CASR: variants seen among roughly 807,000 people sequenced by gnomAD.
CASR encodes the protein calcium sensing receptor, also known as extracellular calcium-sensing receptor.
Under a neutral mutation model 69.1 loss-of-function variants are expected in CASR, and 23 were observed. That is an observed-to-expected ratio of 0.33 (90% confidence interval 0.24 to 0.47). CASR has a LOEUF of 0.47. Among genes scored for constraint, CASR ranks in the 20% least tolerant of loss-of-function variants. The probability of loss-of-function intolerance (pLI) is 1.00; values close to 1 mark genes in which losing one functional copy is unlikely to be tolerated. For missense variants in CASR, 924 were observed against 1,356.1 expected (o/e 0.68, Z 5.00); for synonymous variants, 541 against 544.7 (o/e 0.99, Z 0.10).
chr3:122,248,305 G>T (rs1389788596), intron 1 of CASR, among the ~76,000 whole-genome samples: 6 of 152,234 alleles, frequency 3.9e-5, no homozygotes, highest in Admixed American at 1.3e-4. Context: ...TATTGTGGAT[G>T]TCTCTTCAGC....
chr3:122,191,561 C>T (rs1437352371), intron 1 of CASR, among the ~76,000 whole-genome samples: 1 of 152,170 alleles, frequency 6.6e-6, no homozygotes, highest in East Asian at 1.9e-4. Flanking sequence ...ATCCACCCAC[C>T]TCAGCCTCCC....
At chr3:122,276,909 A>T (rs2074828088) in intron 5 of CASR, among the ~76,000 whole-genome samples, 1 of 152,184 alleles carries the variant, frequency 6.6e-6, no homozygotes, top group Admixed American at 6.5e-5. Context: ...GGCTGCTAAG[A>T]ATCCAGGTCC....
rs894542484 is a variant in CASR, at chr3:122,223,682, C to T, written c.-242-30266C>T. 2.0e-5 allele frequency among the ~76,000 whole-genome samples: 3 copies of T among 152,180 alleles called. No homozygotes were observed. In the South Asian group the frequency reaches 6.2e-4, roughly 31 times the overall value. ...TGAGGAGGAGGAGATTCCACCCTAACTCATTCTATGAACCCAGCATCATTC... is the reference window on the plus strand; with the variant it reads ...TGAGGAGGAGGAGATTCCACCCTAATTCATTCTATGAACCCAGCATCATTC... On this transcript the variant is annotated intron_variant, in intron 1 of 6. Transcript: ENST00000639785.
At chr3:122,233,727 C>T (rs1436197578) in intron 1 of CASR, among the ~76,000 whole-genome samples, 1 of 152,180 alleles carries the variant, frequency 6.6e-6, no homozygotes, top group East Asian at 1.9e-4. Flanking sequence ...CAAACGCCAC[C>T]ACCTCCCCTT....
At chr3:122,218,134 G>A (rs917666299) in intron 1 of CASR, among the ~76,000 whole-genome samples, 4 of 152,042 alleles carry the variant, frequency 2.6e-5, no homozygotes, top group Non-Finnish European at 5.9e-5. Flanking sequence ...TTGGAGGGGG[G>A]CCCAAGTGGA....
intron 5 of CASR, 91 bp downstream of exon 5, chr3:122,276,133 C>A: frequency 1.2e-6 from 1 of 835,418 alleles, no homozygotes. Flanking sequence ...CCCCACTGGA[C>A]TTCCAAAATA....
rs559974296 is a variant in CASR at position 122,269,291 on chromosome 3, A to T, written c.1378-6521A>T. 2.0e-5 allele frequency among the ~76,000 whole-genome samples: 3 copies of T among 152,330 alleles called. No homozygotes were observed. The South Asian group carries it at 6.2e-4, about 32-fold the overall frequency. ...TATAGATATAGTGAGGACAGACATT[A>T]CTGTCTGCATCTGATCAGGGGGAAA... On this transcript the variant is annotated intron_variant, in intron 4 of 6. Coordinates refer to ENST00000639785, the MANE Select transcript of CASR (RefSeq NM_000388.4).
chr3:122,196,514 G>A (rs1259854230), intron 1 of CASR, among the ~76,000 whole-genome samples: 1 of 151,334 alleles, frequency 6.6e-6, no homozygotes, highest in Non-Finnish European at 1.5e-5. Flanking sequence ...TTGGTTTTTG[G>A]GGTTTTTTGT....
intron 1 of CASR, among the ~76,000 whole-genome samples, chr3:122,192,919 C>A (rs917282838): frequency 3.9e-5 from 6 of 152,088 alleles, no homozygotes; most frequent in Non-Finnish European, 5.9e-5. Flanking sequence ...TGTCCACCAG[C>A]AAAAATGAAC....
intron 1 of CASR, among the ~76,000 whole-genome samples, chr3:122,203,323 A>G (rs1310465223): frequency 6.6e-6 from 1 of 152,192 alleles, no homozygotes; most frequent in Non-Finnish European, 1.5e-5. Context: ...ATATGTTCTG[A>G]AAAATGCGTT....
In CASR at chr3:122,261,995, C is replaced by A. The variant is rs753011255; in HGVS notation, c.960C>A (p.Phe320Leu). The change falls in exon 4 of 7, where the codon TTC (phenylalanine) becomes TTA (leucine). Residue 320 changes from phenylalanine (F) to leucine (L), a missense_variant. By Grantham distance (22) the Phe-to-Leu change is conservative. Transcript: ENST00000639785. The stretch of plus-strand genomic sequence containing the variant: ...ACGTGGTTGGCGGCACCATTGGATT[C>A]GCTCTGAAGGCTGGGCAGATCCCAG... Reference protein sequence around the residue: ...YFHVVGGTIGFALKAGQIPGF... With the variant: ...YFHVVGGTIGLALKAGQIPGF... 1 of 1,614,222 alleles carries A rather than the reference C, an allele frequency of 6.2e-7. No homozygotes were observed. Among genetic ancestry groups the A allele is most frequent in the Non-Finnish European group, 8.5e-7 (1 of 1,180,032 alleles).
chr3:122,269,242 GT>G (rs2074728483), intron 4 of CASR, among the ~76,000 whole-genome samples: 1 of 152,172 alleles, frequency 6.6e-6, no homozygotes, highest in Non-Finnish European at 1.5e-5. Flanking sequence ...AATTGAACTG[GT>G]TAGAACTCCC....
At chr3:122,230,982 A>G (rs1445539356) in intron 1 of CASR, among the ~76,000 whole-genome samples, 1 of 152,176 alleles carries the variant, frequency 6.6e-6, no homozygotes, top group Non-Finnish European at 1.5e-5. Flanking sequence ...TGACACCTGA[A>G]ACTCATCTGT....
At chr3:122,250,186 A>T (rs906826219) in intron 1 of CASR, among the ~76,000 whole-genome samples, 10 of 152,096 alleles carry the variant, frequency 6.6e-5, no homozygotes, top group Admixed American at 2.6e-4. Flanking sequence ...GAATCACAGG[A>T]CCAGGAGACT....
At chr3:122,250,746 T>C (rs1267593156) in intron 1 of CASR, among the ~76,000 whole-genome samples, 3 of 152,254 alleles carry the variant, frequency 2.0e-5, no homozygotes, top group Non-Finnish European at 4.4e-5. Context: ...TTAATGCTTT[T>C]ATTCGATAAA....
At chr3:122,282,268 G>C (rs759084805) in intron 6 of CASR, 32 bp downstream of exon 6, 1 of 1,612,256 alleles carries the variant, frequency 6.2e-7, no homozygotes, top group South Asian at 1.1e-5. Context: ...ACTGTGCAGG[G>C]CTTGGTCCAC....
intron 4 of CASR, among the ~76,000 whole-genome samples, chr3:122,269,407 G>T (rs757135151): frequency 6.6e-6 from 1 of 152,140 alleles, no homozygotes; most frequent in Non-Finnish European, 1.5e-5. Flanking sequence ...CTATATTGCC[G>T]AGAGCTTTTA....
intron 1 of CASR, among the ~76,000 whole-genome samples, chr3:122,232,713 A>G (rs909839221): frequency 6.6e-6 from 1 of 152,182 alleles, no homozygotes; most frequent in Non-Finnish European, 1.5e-5. Context: ...CTTATCTTCA[A>G]GGTGAGAGTC....
intron 1 of CASR, among the ~76,000 whole-genome samples, chr3:122,199,129 A>C (rs749223697): frequency 6.6e-6 from 1 of 152,262 alleles, no homozygotes; most frequent in Non-Finnish European, 1.5e-5. Flanking sequence ...TATACATGGA[A>C]GTCACATTGC....
Sources: gnomAD v4.1 joint callset for allele counts (sites outside exome capture counted in the v4.1 genomes callset) on GRCh38, gnomAD v4.1.1 for gene constraint, MANE v1.5 for transcripts, NCBI Gene and HGNC (gene_info 2026-07-23, HGNC 2026-07-21) for gene names.